Variants in DAB1 observed in about 807,000 individuals in gnomAD.
DAB1 encodes the protein DAB adaptor protein 1, also known as disabled homolog 1.
DAB1 carries 15 observed loss-of-function variants against 64.6 expected under a neutral mutation model. That is an observed-to-expected ratio of 0.23 (90% CI 0.16 to 0.36). The LOEUF is 0.36. Ranked by LOEUF, DAB1 falls within the 10% of genes least tolerant of loss-of-function variation. DAB1 has a pLI of 1.00. For synonymous variants in DAB1, 235 were observed against 251.9 expected (o/e 0.93, Z 0.64); for missense variants, 596 against 706.7 (o/e 0.84, Z 1.78).
chr1:58,494,609 G>A (rs1645762305), intron 3 of DAB1, among the ~76,000 whole-genome samples: 2 of 151,998 alleles, frequency 1.3e-5, no homozygotes, highest in African/African-American at 4.8e-5. Flanking sequence ...GTGGGTGAAG[G>A]ATATGAACAG....
intron 4 of DAB1, among the ~76,000 whole-genome samples, chr1:57,101,139 G>C (rs1371254236): frequency 2.0e-5 from 3 of 152,020 alleles, no homozygotes; most frequent in Non-Finnish European, 4.4e-5. Flanking sequence ...CATGGTACTG[G>C]GTCTGACTTC....
intron 2 of DAB1, among the ~76,000 whole-genome samples, chr1:57,177,215 T>G (rs1662427165): frequency 6.6e-6 from 1 of 152,122 alleles, no homozygotes; most frequent in South Asian, 2.1e-4. Flanking sequence ...AAATCAGTCC[T>G]TTTCCCTTAT....
At chr1:57,342,598 G>A (rs1359136359) in intron 1 of DAB1, among the ~76,000 whole-genome samples, 1 of 152,214 alleles carries the variant, frequency 6.6e-6, no homozygotes, top group African/African-American at 2.4e-5. Flanking sequence ...GTCCAAAATT[G>A]GTGGGTTCTT....
At chr1:57,862,060 A>G (rs1654065958) in intron 1 of DAB1, among the ~76,000 whole-genome samples, 1 of 152,172 alleles carries the variant, frequency 6.6e-6, no homozygotes, top group South Asian at 2.1e-4. Context: ...CACTAAATTC[A>G]AACAATCTGA....
rs1473844944 is a variant in DAB1 at position 57,436,209 on chromosome 1, G to GCA, written n.626-145044_626-145043insTG. 1.0e-3 allele frequency among the ~76,000 whole-genome samples: 159 copies of GCA among 152,158 alleles called. 1 individual carries two copies. The highest frequency in any genetic ancestry group is 3.3e-3 in the African/African-American group (139 of 41,516). ...TGGGATTACAGGCGTGAGCCACCAT[G>GCA]CCCGGCTGTGCTAGACTTTTATACG... On this transcript the variant is annotated intron_variant and non_coding_transcript_variant, in intron 7 of 20. Transcript: ENST00000485760.
At chr1:57,953,220 T>C (rs2100244888) in intron 5 of DAB1, among the ~76,000 whole-genome samples, 1 of 152,340 alleles carries the variant, frequency 6.6e-6, no homozygotes, top group South Asian at 2.1e-4. Flanking sequence ...AGCTTGACTT[T>C]TCTATTTACA....
chr1:57,359,448 G>T (rs1454167843), intron 1 of DAB1, among the ~76,000 whole-genome samples: 1 of 151,910 alleles, frequency 6.6e-6, no homozygotes, highest in Non-Finnish European at 1.5e-5. Context: ...AGAAGTATTG[G>T]CAAGGATATA....
At chr1:57,811,994 G>A (rs1285835677) in intron 6 of DAB1, among the ~76,000 whole-genome samples, 1 of 152,158 alleles carries the variant, frequency 6.6e-6, no homozygotes, top group Non-Finnish European at 1.5e-5. Context: ...AGAGTCTTGT[G>A]TCAACATGTA....
At chr1:57,936,278 A>C (rs10158492) in intron 5 of DAB1, among the ~76,000 whole-genome samples, 1 of 152,076 alleles carries the variant, frequency 6.6e-6, no homozygotes, top group Non-Finnish European at 1.5e-5. Flanking sequence ...CAGGCTATTT[A>C]CTGAGTTGAT....
At chr1:58,040,241 C>A (rs1183463128) in intron 5 of DAB1, among the ~76,000 whole-genome samples, 1 of 152,164 alleles carries the variant, frequency 6.6e-6, no homozygotes, top group East Asian at 1.9e-4. Flanking sequence ...AGTTAAATCC[C>A]TTTTTAAGGA....
intron 5 of DAB1, among the ~76,000 whole-genome samples, chr1:57,933,101 A>T (rs147425589): frequency 3.3e-5 from 5 of 152,352 alleles, no homozygotes; most frequent in African/African-American, 9.6e-5. Flanking sequence ...TAAAACCCAC[A>T]AAGGTGTGGA....
intron 4 of DAB1, among the ~76,000 whole-genome samples, chr1:57,102,054 C>T (rs1654727322): frequency 6.6e-6 from 1 of 152,140 alleles, no homozygotes; most frequent in Non-Finnish European, 1.5e-5. Flanking sequence ...CCCTTGCTCT[C>T]AATGAGCTTG....
Position 58,138,901 on chromosome 1 carries a change from T to C in DAB1, n.387+11610A>G, listed in dbSNP as rs531973684. Reference sequence around the variant, plus strand: ...CTAAAAAAATTGATGAGTGGGTGAATAGGTAAATGGATGGACAAATGAATG... The same window carrying C: ...CTAAAAAAATTGATGAGTGGGTGAACAGGTAAATGGATGGACAAATGAATG... On this transcript the variant is annotated intron_variant and non_coding_transcript_variant, in intron 5 of 20. Coordinates refer to the DAB1 transcript ENST00000485760. 4.6e-5 allele frequency among the ~76,000 whole-genome samples: 7 copies of C among 152,128 alleles called. No individual in the cohort carries two copies. In the South Asian group the frequency reaches 8.3e-4, roughly 18 times the overall value.
intron 4 of DAB1, among the ~76,000 whole-genome samples, chr1:58,336,045 C>T (rs1663109911): frequency 6.6e-6 from 1 of 152,078 alleles, no homozygotes; most frequent in Admixed American, 6.5e-5. Flanking sequence ...AATAAACCAC[C>T]CCCCAAGAGG....
intron 6 of DAB1, among the ~76,000 whole-genome samples, chr1:57,792,344 T>G (rs368407909): frequency 3.3e-5 from 5 of 152,266 alleles, no homozygotes; most frequent in East Asian, 1.9e-4. Flanking sequence ...CCATATTTAT[T>G]GCCAGACAGC....
intron 3 of DAB1, among the ~76,000 whole-genome samples, chr1:58,370,676 G>C (rs76283259): frequency 1.2e-4 from 19 of 152,126 alleles, no homozygotes; most frequent in African/African-American, 4.6e-4. Context: ...TAATCCCCAC[G>C]TGTCAAGGGA....
At chr1:57,131,877 AG>A (rs947827277) in intron 4 of DAB1, among the ~76,000 whole-genome samples, 1 of 152,154 alleles carries the variant, frequency 6.6e-6, no homozygotes, top group African/African-American at 2.4e-5. Context: ...AGTAAGTATT[AG>A]CGGGCACCAG....
chr1:58,156,989 G>A (rs766222565), intron 4 of DAB1, among the ~76,000 whole-genome samples: 37 of 152,132 alleles, frequency 2.4e-4, no homozygotes, highest in Non-Finnish European at 3.5e-4. Context: ...TCTGCCTACC[G>A]AACGGGATCT....
At chr1:57,427,822 C>T (rs896845542), upstream of DAB1, among the ~76,000 whole-genome samples, 1 of 152,088 alleles carries the variant, frequency 6.6e-6, no homozygotes, top group African/African-American at 2.4e-5. Context: ...TTAGCATATC[C>T]ATACCTTCAC....
Sources: allele counts gnomAD v4.1 joint callset (sites outside exome capture counted in the v4.1 genomes callset), GRCh38; gene constraint gnomAD v4.1.1; transcripts MANE v1.5; gene names NCBI Gene and HGNC (gene_info 2026-07-23, HGNC 2026-07-21).